Variants in INSL6 observed in about 807,000 individuals in gnomAD.
The protein encoded by INSL6 is insulin like 6.
In INSL6, 16 loss-of-function variants were observed where a neutral mutation model predicts 9.4. The ratio of observed to expected loss-of-function variants is 1.70; its 90% CI spans 1.15 to 2.59. The LOEUF (loss-of-function observed/expected upper bound fraction) is 2.59, where lower values mean the gene tolerates loss of function less well. Ranked by LOEUF, INSL6 falls within the 30% of genes most tolerant of loss-of-function variation. The probability of loss-of-function intolerance (pLI) is 0.00; values close to 1 mark genes in which losing one functional copy is unlikely to be tolerated. For missense variants in INSL6, 391 were observed against 257.3 expected (o/e 1.52, Z -3.56); for synonymous variants, 154 against 96.9 (o/e 1.59, Z -3.46).
At chr9:5,141,929 C>T (rs1824509003) in intron 2 of INSL6, among the ~76,000 whole-genome samples, 1 of 152,206 alleles carries the variant, frequency 6.6e-6, no homozygotes, top group Admixed American at 6.5e-5. Flanking sequence ...TTTTAATCTG[C>T]ATATGGCTAG....
At chr9:5,142,526 G>T (rs1177875720) in intron 2 of INSL6, among the ~76,000 whole-genome samples, 2 of 152,168 alleles carry the variant, frequency 1.3e-5, no homozygotes, top group African/African-American at 4.8e-5. Flanking sequence ...GTACTGAAAT[G>T]CTAGTGATGT....
the INSL6 span, chr9:5,099,487 A>C: frequency 6.6e-6 from 1 of 152,232 alleles, no homozygotes; most frequent in South Asian, 2.1e-4. Context: ...AGTTAAAATT[A>C]TTAAATTTCA....
intron 2 of INSL6, among the ~76,000 whole-genome samples, chr9:5,157,868 A>T (rs924456907): frequency 2.0e-5 from 3 of 152,196 alleles, no homozygotes; most frequent in Non-Finnish European, 4.4e-5. Flanking sequence ...CCAGGGGCCA[A>T]TCCCACAGGG....
chr9:5,012,018 A>G, the INSL6 span, among the ~76,000 whole-genome samples: 1 of 152,186 alleles, frequency 6.6e-6, no homozygotes, highest in Non-Finnish European at 1.5e-5. Flanking sequence ...ATTTCTAGCT[A>G]TTGCCTGTCC....
the INSL6 span, among the ~76,000 whole-genome samples, chr9:5,095,469 C>T: frequency 4.6e-5 from 7 of 151,938 alleles, no homozygotes; most frequent in South Asian, 2.1e-4. Context: ...ACCCGTCCTC[C>T]GGGCAATGGA....
At chr9:5,184,440 A>G (rs1468826705) in intron 1 of INSL6, among the ~76,000 whole-genome samples, 1 of 152,236 alleles carries the variant, frequency 6.6e-6, no homozygotes, top group Non-Finnish European at 1.5e-5. Context: ...AGATATACCA[A>G]TGAATCTGGA....
chr9:5,096,497 T>TG, the INSL6 span, among the ~76,000 whole-genome samples: 1 of 151,978 alleles, frequency 6.6e-6, no homozygotes, highest in Non-Finnish European at 1.5e-5. Flanking sequence ...TCCCTCCATG[T>TG]GGGGGGAGGG....
At position 5,163,916 on chromosome 9, in the gene INSL6, G is replaced by C; in HGVS notation, c.639C>G (p.Tyr213Ter). The C allele has an allele frequency of 6.4e-7, 1 of 1,564,348 alleles. No homozygotes were observed. The highest frequency in any genetic ancestry group is 8.7e-7 in the Non-Finnish European group (1 of 1,144,070). The part of the protein sequence containing the change: ...EKRSSLVTKI[Y>*] ...GTTAGAAAAAATTCTAAGATGGTTA[G>C]TATATCTTAGTTACAAGTGATGATC... The change falls in exon 2 of 2, where the codon TAC becomes TAG. Residue 213 changes from tyrosine to a stop codon, truncating the protein, a stop_gained. Transcript: ENST00000381641. LOFTEE classifies it high-confidence loss of function.
At chr9:5,077,522 T>A in the INSL6 span, 1 of 1,477,556 alleles carries the variant, frequency 6.8e-7, no homozygotes, top group South Asian at 1.5e-5. Context: ...AAAAATTGTA[T>A]AAATATATTA....
At chr9:5,053,111 A>G in the INSL6 span, among the ~76,000 whole-genome samples, 2 of 152,118 alleles carry the variant, frequency 1.3e-5, no homozygotes, top group East Asian at 3.8e-4. Flanking sequence ...TCACACTAGC[A>G]GTACATGAAG....
the INSL6 span, chr9:5,110,971 G>T: frequency 1.6e-6 from 1 of 612,936 alleles, no homozygotes; most frequent in East Asian, 4.0e-5. Context: ...CAGTAACCTG[G>T]ACTTCAGCAT....
chr9:5,164,367 T>C (rs1349502257), intron 1 of INSL6, 102 bp from the exon 2 acceptor site: 1 of 717,530 alleles, frequency 1.4e-6, no homozygotes, highest in Non-Finnish European at 2.3e-6. Context: ...AAAAAACAAG[T>C]AATCACATTT....
At chr9:5,029,765 T>G in the INSL6 span, 1 of 1,596,364 alleles carries the variant, frequency 6.3e-7, no homozygotes, top group African/African-American at 1.3e-5. Flanking sequence ...ATAATTCCTT[T>G]CTCTGCTTCT....
At chr9:5,111,249 G>C in the INSL6 span, 6 of 534,176 alleles carry the variant, frequency 1.1e-5, no homozygotes, top group East Asian at 1.4e-4. Flanking sequence ...CTTTGGTAGA[G>C]ACGCAGGCGT....
intron 2 of INSL6, among the ~76,000 whole-genome samples, chr9:5,151,879 C>T (rs965116112): frequency 4.6e-5 from 7 of 151,924 alleles, no homozygotes; most frequent in East Asian, 1.9e-4. Context: ...ACCAATGACA[C>T]GTTGTTTACA....
At chr9:5,099,280 A>T in the INSL6 span, 1 of 152,196 alleles carries the variant, frequency 6.6e-6, no homozygotes, top group African/African-American at 2.4e-5. Context: ...CTATTGTCCT[A>T]GAACTAATCC....
the INSL6 span, among the ~76,000 whole-genome samples, chr9:5,014,004 AT>A: frequency 1.3e-5 from 2 of 152,092 alleles, no homozygotes; most frequent in Non-Finnish European, 2.9e-5. Context: ...TTACTTCTTC[AT>A]GTATATTTAT....
At chr9:5,055,185 A>G in the INSL6 span, among the ~76,000 whole-genome samples, 3 of 152,036 alleles carry the variant, frequency 2.0e-5, no homozygotes, top group African/African-American at 7.2e-5. Context: ...GTGATAACAG[A>G]AGGCATAATT....
At chr9:5,183,793 C>CA (rs1825509141) in intron 1 of INSL6, among the ~76,000 whole-genome samples, 1 of 152,032 alleles carries the variant, frequency 6.6e-6, no homozygotes, top group African/African-American at 2.4e-5. Flanking sequence ...AAGAGAGAGA[C>CA]AGACAGTAAA....
Sources: gnomAD v4.1 joint callset for allele counts (sites outside exome capture counted in the v4.1 genomes callset) on GRCh38, gnomAD v4.1.1 for gene constraint, MANE v1.5 for transcripts, NCBI Gene and HGNC (gene_info 2026-07-23, HGNC 2026-07-21) for gene names.